The following TRAPPC9 variants were observed in gnomAD, a reference collection of about 807,000 sequenced individuals.
TRAPPC9 encodes IKK2 binding protein.
In TRAPPC9, 83 loss-of-function variants were observed where a neutral mutation model predicts 124.0. That is an observed-to-expected ratio of 0.67 (90% CI 0.56 to 0.80). TRAPPC9 has a LOEUF of 0.80. TRAPPC9 is among the 30% of genes least tolerant of loss of function. The pLI, the probability that TRAPPC9 is intolerant of heterozygous loss-of-function variation, is 0.00. For missense variants in TRAPPC9, 1,302 were observed against 1,508.3 expected (o/e 0.86, Z 2.27); for synonymous variants, 638 against 617.5 (o/e 1.03, Z -0.49).
chr8:139,901,424 C>T (rs755279027), intron 20 of TRAPPC9, among the ~76,000 whole-genome samples: 6 of 152,182 alleles, frequency 3.9e-5, no homozygotes, highest in Admixed American at 6.5e-5. Flanking sequence ...ATGCTCTTGC[C>T]GCTCTCATTT....
In TRAPPC9 at chr8:140,055,288, T is replaced by C. The variant is rs114873869; in HGVS notation, c.2557-31209A>G. Among the ~76,000 whole-genome samples the C allele has an allele frequency of 5.4e-3, 823 of 152,296 alleles. 14 individuals carry two copies. Among genetic ancestry groups the C allele is most frequent in the African/African-American group, 0.019 (787 of 41,558 alleles). ...AAAATCACAGGATCACCTGCACTGATGCAGCAAAAGCCTATGAGAAAATTC... is the reference window on the plus strand; with the variant it reads ...AAAATCACAGGATCACCTGCACTGACGCAGCAAAAGCCTATGAGAAAATTC... On this transcript the variant is annotated intron_variant, in intron 17 of 22. Coordinates refer to ENST00000438773, the MANE Select transcript of TRAPPC9 (RefSeq NM_001160372.4).
intron 17 of TRAPPC9, among the ~76,000 whole-genome samples, chr8:140,147,917 G>C (rs1472568143): frequency 6.6e-6 from 1 of 152,234 alleles, no homozygotes. Flanking sequence ...CAGGCACACG[G>C]AGGTGCTGGG....
intron 21 of TRAPPC9, among the ~76,000 whole-genome samples, chr8:139,863,034 G>T (rs1278070744): frequency 6.6e-6 from 1 of 152,254 alleles, no homozygotes; most frequent in Non-Finnish European, 1.5e-5. Flanking sequence ...GGGCTCTGAG[G>T]CCAGGCTCTG....
intron 11 of TRAPPC9, among the ~76,000 whole-genome samples, chr8:140,294,454 C>T (rs1448881595): frequency 6.6e-6 from 1 of 152,030 alleles, no homozygotes; most frequent in African/African-American, 2.4e-5. Flanking sequence ...AAATGGCTTG[C>T]CCTATCATGG....
At chr8:140,192,959 G>A (rs1335442093) in intron 17 of TRAPPC9, among the ~76,000 whole-genome samples, 1 of 152,140 alleles carries the variant, frequency 6.6e-6, no homozygotes, top group African/African-American at 2.4e-5. Context: ...TGTATTTTGA[G>A]TGGAGATAGG....
At chr8:140,197,815 G>C (rs1222069957) in intron 17 of TRAPPC9, among the ~76,000 whole-genome samples, 1 of 152,194 alleles carries the variant, frequency 6.6e-6, no homozygotes, top group African/African-American at 2.4e-5. Flanking sequence ...AAAGACAAGG[G>C]CAGGGAAGGT....
At chr8:139,773,783 A>G (rs1478361339) in intron 21 of TRAPPC9, among the ~76,000 whole-genome samples, 1 of 152,220 alleles carries the variant, frequency 6.6e-6, no homozygotes, top group Non-Finnish European at 1.5e-5. Context: ...TCAACCATGC[A>G]TTCATTCATC....
intron 16 of TRAPPC9, among the ~76,000 whole-genome samples, chr8:140,245,640 T>C (rs1657941288): frequency 6.6e-6 from 1 of 152,216 alleles, no homozygotes; most frequent in Non-Finnish European, 1.5e-5. Flanking sequence ...GATAATTTAC[T>C]TGTTGAGAGA....
chr8:140,215,143 G>C (rs1357584095), intron 17 of TRAPPC9, among the ~76,000 whole-genome samples: 2 of 152,058 alleles, frequency 1.3e-5, no homozygotes. Context: ...AGAAAATGCC[G>C]CATGATTGCA....
chr8:139,728,886 A>C lies in TRAPPC9; in HGVS notation c.*2175T>G, dbSNP rs974553531. 1.3e-5 allele frequency among the ~76,000 whole-genome samples: 2 copies of C among 152,232 alleles called. No individual in the cohort carries two copies. Among genetic ancestry groups the C allele is most frequent in the African/African-American group, 4.8e-5 (2 of 41,462 alleles). ...GGTATTTTTTGCAGTTTGGGAAACT[A>C]AAAAATATAGAAAACTGCAAGAAAT... On this transcript the variant is annotated 3_prime_UTR_variant, in exon 23 of 23. Transcript: ENST00000438773.
At chr8:139,945,066 T>C (rs2614744) in intron 19 of TRAPPC9, among the ~76,000 whole-genome samples, 55,247 of 152,110 alleles carry the variant, frequency 0.36, 12,223 homozygotes, top group Non-Finnish European at 0.48. Flanking sequence ...GGAGGTTTCA[T>C]TGAGCCAAGA....
At chr8:140,065,512 G>T (rs1395937327) in intron 17 of TRAPPC9, among the ~76,000 whole-genome samples, 1 of 152,194 alleles carries the variant, frequency 6.6e-6, no homozygotes, top group Non-Finnish European at 1.5e-5. Flanking sequence ...AGAACAGGCT[G>T]ACTGTCTTGT....
intron 19 of TRAPPC9, among the ~76,000 whole-genome samples, chr8:139,945,120 T>A (rs1762814672): frequency 6.6e-6 from 1 of 151,908 alleles, no homozygotes; most frequent in Non-Finnish European, 1.5e-5. Context: ...TGAGACTCCA[T>A]CTCAAAAATA....
intron 19 of TRAPPC9, among the ~76,000 whole-genome samples, chr8:139,946,752 G>A (rs372560408): frequency 2.0e-5 from 3 of 151,894 alleles, no homozygotes; most frequent in Non-Finnish European, 2.9e-5. Context: ...AGGCCGAGGC[G>A]GGTGGATCAC....
chr8:139,766,977 C>G (rs753812105), intron 21 of TRAPPC9, among the ~76,000 whole-genome samples: 1 of 152,216 alleles, frequency 6.6e-6, no homozygotes, highest in Non-Finnish European at 1.5e-5. Flanking sequence ...GACTGTGAGC[C>G]CCTGGAGTGC....
At chr8:139,802,561 T>C (rs1489395943) in intron 21 of TRAPPC9, among the ~76,000 whole-genome samples, 6 of 152,332 alleles carry the variant, frequency 3.9e-5, no homozygotes, top group Non-Finnish European at 7.3e-5. Context: ...ACTAAACCGT[T>C]CACAGGATCG....
At chr8:140,348,128 G>A (rs1588190840) in intron 9 of TRAPPC9, among the ~76,000 whole-genome samples, 1 of 152,338 alleles carries the variant, frequency 6.6e-6, no homozygotes, top group East Asian at 1.9e-4. Context: ...CGAGGCGCTG[G>A]GACGCCAGGG....
At chr8:140,433,583 C>T (rs749357925) in intron 4 of TRAPPC9, among the ~76,000 whole-genome samples, 5 of 152,148 alleles carry the variant, frequency 3.3e-5, no homozygotes, top group Admixed American at 2.6e-4. Flanking sequence ...GAGCGAGACT[C>T]TGTCTCAAAA....
intron 17 of TRAPPC9, among the ~76,000 whole-genome samples, chr8:140,034,474 G>A (rs1463314412): frequency 1.3e-5 from 2 of 152,160 alleles, no homozygotes; most frequent in African/African-American, 2.4e-5. Flanking sequence ...TAAACAGCAC[G>A]GAGCACGTTC....
Sources: gnomAD v4.1 joint callset for allele counts (sites outside exome capture counted in the v4.1 genomes callset) on GRCh38, gnomAD v4.1.1 for gene constraint, MANE v1.5 for transcripts, NCBI Gene and HGNC (gene_info 2026-07-23, HGNC 2026-07-21) for gene names.